The following AP3S1 variants were observed in gnomAD, a reference collection of about 807,000 sequenced individuals.
AP3S1 encodes the protein AP-3 complex subunit sigma-1.
In AP3S1, 12 loss-of-function variants were observed where a neutral mutation model predicts 21.3. That is an observed-to-expected ratio of 0.56 (90% CI 0.36 to 0.91). AP3S1 has a LOEUF of 0.91. Among genes scored for constraint, AP3S1 ranks in the 40% least tolerant of loss-of-function variants. AP3S1 has a pLI of 0.01. For missense variants in AP3S1, 116 were observed against 225.0 expected, an observed-to-expected ratio of 0.52 and a Z score of 3.10; for synonymous variants, 48 against 78.4, an observed-to-expected ratio of 0.61 and a Z score of 2.05.
At chr5:115,897,762 C>T (rs1420421550) in intron 4 of AP3S1, among the ~76,000 whole-genome samples, 2 of 151,890 alleles carry the variant, frequency 1.3e-5, no homozygotes. Context: ...TGGTATTTCA[C>T]GGTGTTAGCC....
chr5:115,877,513 C>A (rs529624683), intron 3 of AP3S1, among the ~76,000 whole-genome samples: 1 of 152,222 alleles, frequency 6.6e-6, no homozygotes. Context: ...CATCCATGTC[C>A]CTGCAAAGGA....
At chr5:115,885,786 A>G (rs2112886179) in intron 3 of AP3S1, among the ~76,000 whole-genome samples, 1 of 152,290 alleles carries the variant, frequency 6.6e-6, no homozygotes, top group South Asian at 2.1e-4. Flanking sequence ...TTCTCCTTAA[A>G]TTTTATCATT....
intron 2 of AP3S1, among the ~76,000 whole-genome samples, chr5:115,868,891 G>T (rs1747941594): frequency 9.1e-6 from 1 of 109,920 alleles, no homozygotes; most frequent in South Asian, 3.4e-4. Flanking sequence ...CAAAAAGAAA[G>T]AGAGAGAGAG....
rs538365123 is a variant in AP3S1 at position 115,890,188 on chromosome 5, C to T, written c.274-4899C>T. ...ATGTGTATACGTATATATATGTTCA[C>T]TAAAAGATGTGTAAGAAATGTTCTT... On this transcript the variant is annotated intron_variant, in intron 3 of 5. Transcript: ENST00000316788. Among the ~76,000 whole-genome samples the T allele has an allele frequency of 2.0e-5, 3 of 152,232 alleles. No homozygotes were observed. The East Asian group carries it at 5.8e-4, about 29-fold the overall frequency.
chr5:115,855,884 T>C (rs1437936397), intron 1 of AP3S1, among the ~76,000 whole-genome samples: 2 of 152,140 alleles, frequency 1.3e-5, no homozygotes, highest in East Asian at 1.9e-4. Flanking sequence ...GGAGATGACA[T>C]TGACTATGAT....
chr5:115,873,870 C>T (rs571170777), intron 3 of AP3S1, among the ~76,000 whole-genome samples: 15 of 152,110 alleles, frequency 9.9e-5, no homozygotes, highest in African/African-American at 3.1e-4. Flanking sequence ...CAAGAAAACT[C>T]AATATGTAAC....
intron 1 of AP3S1, among the ~76,000 whole-genome samples, chr5:115,852,528 T>C (rs1362925716): frequency 6.6e-6 from 1 of 152,102 alleles, no homozygotes; most frequent in African/African-American, 2.4e-5. Flanking sequence ...CTTCTAGAAT[T>C]ATATCATGGT....
At chr5:115,842,573 C>T (rs1240199632) in intron 1 of AP3S1, 1 of 158,230 alleles carries the variant, frequency 6.3e-6, no homozygotes, top group Non-Finnish European at 1.4e-5. Flanking sequence ...CCCATCCTTT[C>T]CAGGTGGACT....
intron 3 of AP3S1, among the ~76,000 whole-genome samples, chr5:115,878,597 T>C (rs1023615758): frequency 5.3e-5 from 8 of 152,224 alleles, no homozygotes; most frequent in African/African-American, 1.7e-4. Flanking sequence ...TGGGTTACTC[T>C]AGCCTTATAG....
At chr5:115,884,875 A>T (rs929732944) in intron 3 of AP3S1, among the ~76,000 whole-genome samples, 1 of 152,162 alleles carries the variant, frequency 6.6e-6, no homozygotes, top group Non-Finnish European at 1.5e-5. Flanking sequence ...CCCTGGCCTG[A>T]TCCCAAGACT....
intron 3 of AP3S1, among the ~76,000 whole-genome samples, chr5:115,880,854 G>C (rs1480811270): frequency 6.6e-6 from 1 of 152,078 alleles, no homozygotes; most frequent in East Asian, 1.9e-4. Flanking sequence ...ATGTTTCTAA[G>C]AACTTGCTTT....
intron 5 of AP3S1, among the ~76,000 whole-genome samples, chr5:115,908,396 A>C (rs1751833356): frequency 6.6e-6 from 1 of 152,160 alleles, no homozygotes; most frequent in Non-Finnish European, 1.5e-5. Flanking sequence ...AGGAGAGAAT[A>C]AGAAAAGTGG....
intron 3 of AP3S1, among the ~76,000 whole-genome samples, chr5:115,875,724 C>G (rs961017661): frequency 2.0e-5 from 3 of 152,110 alleles, no homozygotes; most frequent in African/African-American, 7.2e-5. Context: ...GAAAATTCTG[C>G]CTCCTACATT....
chr5:115,871,596 C>T (rs1748255996), intron 3 of AP3S1, among the ~76,000 whole-genome samples: 1 of 152,034 alleles, frequency 6.6e-6, no homozygotes, highest in East Asian at 1.9e-4. Flanking sequence ...CTTTCCTTAT[C>T]CAGCTTAAAT....
At chr5:115,904,936 T>C (rs1751511832) in intron 5 of AP3S1, among the ~76,000 whole-genome samples, 2 of 152,190 alleles carry the variant, frequency 1.3e-5, no homozygotes, top group Admixed American at 1.3e-4. Context: ...TAAAAAATAT[T>C]GACCAGTTGT....
chr5:115,861,308 T>G (rs190749551), intron 1 of AP3S1, among the ~76,000 whole-genome samples: 1 of 152,270 alleles, frequency 6.6e-6, no homozygotes, highest in East Asian at 1.9e-4. Context: ...AAGTTCAATG[T>G]GGCTGGAGCA....
intron 3 of AP3S1, among the ~76,000 whole-genome samples, chr5:115,880,998 T>C (rs1749228838): frequency 6.6e-6 from 1 of 152,146 alleles, no homozygotes; most frequent in Non-Finnish European, 1.5e-5. Flanking sequence ...AAGTCTGTTT[T>C]ATTGGAGACA....
intron 3 of AP3S1, among the ~76,000 whole-genome samples, chr5:115,876,053 GT>G (rs1248641916): frequency 6.6e-6 from 1 of 152,110 alleles, no homozygotes. Flanking sequence ...ATGGCGTCAG[GT>G]TTAGAGTGTC....
chr5:115,869,051 A>G (rs1747985421), intron 2 of AP3S1, among the ~76,000 whole-genome samples: 2 of 151,298 alleles, frequency 1.3e-5, no homozygotes, highest in South Asian at 4.2e-4. Flanking sequence ...TATAGCCTTG[A>G]TTGTAAATTA....
Sources: gnomAD v4.1 joint callset for allele counts (sites outside exome capture counted in the v4.1 genomes callset) on GRCh38, gnomAD v4.1.1 for gene constraint, MANE v1.5 for transcripts, NCBI Gene and HGNC (gene_info 2026-07-23, HGNC 2026-07-21) for gene names.